TBC1D32: variants seen among roughly 807,000 people sequenced by gnomAD.
TBC1D32 encodes TBC1 domain family member 32.
TBC1D32 carries 151 observed loss-of-function variants against 170.3 expected under a neutral mutation model. The observed-to-expected ratio is 0.89, with a 90% CI of 0.78 to 1.01. The LOEUF is 1.01. Among genes scored for constraint, TBC1D32 ranks in the 50% least tolerant of loss-of-function variants. The pLI is 0.00. For missense variants in TBC1D32, 1,464 were observed against 1,457.1 expected (o/e 1.00, Z -0.08); for synonymous variants, 498 against 488.0 (o/e 1.02, Z -0.27).
chr6:121,270,734 A>G (rs565569229), intron 15 of TBC1D32, among the ~76,000 whole-genome samples: 2 of 152,298 alleles, frequency 1.3e-5, no homozygotes, highest in East Asian at 3.9e-4. Flanking sequence ...CAATAGAAAA[A>G]GAGGGAATCC....
intron 3 of TBC1D32, among the ~76,000 whole-genome samples, chr6:121,316,650 G>A (rs1436034140): frequency 2.6e-5 from 4 of 152,140 alleles, no homozygotes; most frequent in African/African-American, 9.7e-5. Flanking sequence ...CGACTTTTAA[G>A]TTATGCTTCC....
At chr6:121,289,110 C>G (rs1804381400) in intron 12 of TBC1D32, among the ~76,000 whole-genome samples, 1 of 152,170 alleles carries the variant, frequency 6.6e-6, no homozygotes, top group African/African-American at 2.4e-5. Flanking sequence ...AGGATGCCCT[C>G]TCTCACCACT....
chr6:121,332,539 T>C (rs1213313635), intron 1 of TBC1D32, among the ~76,000 whole-genome samples: 1 of 152,132 alleles, frequency 6.6e-6, no homozygotes, highest in East Asian at 1.9e-4. Context: ...TTTGAAAATC[T>C]AGATGAAATG....
intron 19 of TBC1D32, among the ~76,000 whole-genome samples, chr6:121,240,357 A>T (rs1346613041): frequency 4.0e-5 from 3 of 75,292 alleles, no homozygotes; most frequent in Non-Finnish European, 7.3e-5. Context: ...GTTTAGGACA[A>T]TTTTTTTTTT....
chr6:121,182,067 ATACAC>A, intron 22 of TBC1D32, among the ~76,000 whole-genome samples: 1 of 152,064 alleles, frequency 6.6e-6, no homozygotes, highest in Non-Finnish European at 1.5e-5. Flanking sequence ...CCAAAAATAT[ATACAC>A]TGTCTAGCAA....
At position 121,094,061 on chromosome 6, in the gene TBC1D32, T is replaced by C. The variant is rs113579468; in HGVS notation, c.3466-3020A>G. Among the ~76,000 whole-genome samples the C allele has an allele frequency of 9.6e-4, 146 of 152,170 alleles. 1 individual carries two copies. The highest frequency in any genetic ancestry group is 3.2e-3 in the African/African-American group (134 of 41,534). On this transcript the variant is annotated intron_variant, in intron 30 of 31. Coordinates refer to ENST00000398212, the MANE Select transcript of TBC1D32 (RefSeq NM_152730.6). ...GGTAGAAATTATATTGGCTTTACTA[T>C]ATTTGCAAGTACTTCAGACTTACAT...
Position 121,087,930 on chromosome 6 carries a change from G to A in TBC1D32, c.3654+2923C>T, listed in dbSNP as rs573063085. Among the ~76,000 whole-genome samples, 18 of 150,680 alleles carry A rather than the reference G, an allele frequency of 1.2e-4. No homozygotes were observed. The East Asian group carries it at 2.9e-3, about 24-fold the overall frequency. ...TATACAAGAATATTATTATGGCTGT[G>A]GTATGCAGTTACATGGGGAATTTTT... is the stretch of plus-strand genomic sequence containing the variant. On this transcript the variant is annotated intron_variant, in intron 31 of 31. Coordinates refer to ENST00000398212, the MANE Select transcript of TBC1D32 (RefSeq NM_152730.6).
chr6:121,121,275 A>G (rs150117525), intron 26 of TBC1D32, among the ~76,000 whole-genome samples: 2 of 152,184 alleles, frequency 1.3e-5, no homozygotes, highest in African/African-American at 4.8e-5. Context: ...AGAGGGAAGC[A>G]TCCATCTAGA....
At chr6:121,273,302 A>C (rs575061176) in intron 15 of TBC1D32, among the ~76,000 whole-genome samples, 1 of 151,786 alleles carries the variant, frequency 6.6e-6, no homozygotes, top group South Asian at 2.1e-4. Flanking sequence ...ATGGAATACT[A>C]TGCAGCCATA....
intron 12 of TBC1D32, among the ~76,000 whole-genome samples, chr6:121,288,300 A>G (rs1391491051): frequency 1.3e-5 from 2 of 152,220 alleles, no homozygotes; most frequent in African/African-American, 4.8e-5. Context: ...AATAGACGCA[A>G]TAAAAAATGA....
intron 30 of TBC1D32, among the ~76,000 whole-genome samples, chr6:121,100,544 C>A (rs1450709726): frequency 2.0e-5 from 3 of 151,944 alleles, no homozygotes; most frequent in African/African-American, 7.3e-5. Flanking sequence ...CCAATGAGAA[C>A]AAAGACACAA....
chr6:121,090,631 C>CCACTGTATGAAATA (rs1776707409), intron 31 of TBC1D32, among the ~76,000 whole-genome samples: 1 of 152,030 alleles, frequency 6.6e-6, no homozygotes, highest in Non-Finnish European at 1.5e-5. Context: ...GTGTTGGATC[C>CCACTGTATGAAATA]AGACAGCTTA....
At chr6:121,119,762 A>G (rs1219062538) in intron 26 of TBC1D32, among the ~76,000 whole-genome samples, 2 of 152,260 alleles carry the variant, frequency 1.3e-5, no homozygotes, top group Non-Finnish European at 2.9e-5. Context: ...AAACAGCCAA[A>G]CTAATTTGAT....
At chr6:121,130,020 A>T (rs188534936) in intron 25 of TBC1D32, 2 of 388,394 alleles carry the variant, frequency 5.1e-6, no homozygotes, top group East Asian at 1.4e-4. Flanking sequence ...AATCACAAAA[A>T]CATATCCCTT....
At chr6:121,117,389 G>C (rs1422590672) in intron 26 of TBC1D32, among the ~76,000 whole-genome samples, 3 of 152,084 alleles carry the variant, frequency 2.0e-5, no homozygotes, top group African/African-American at 7.2e-5. Flanking sequence ...CAGAAAATGG[G>C]TTAGGGGCAT....
intron 15 of TBC1D32, among the ~76,000 whole-genome samples, chr6:121,259,548 T>C (rs1301597455): frequency 6.6e-6 from 1 of 152,084 alleles, no homozygotes; most frequent in Admixed American, 6.6e-5. Flanking sequence ...GCTCCCTTCA[T>C]AAATACTAAA....
intron 21 of TBC1D32, among the ~76,000 whole-genome samples, chr6:121,205,567 G>C (rs1792141205): frequency 1.3e-5 from 2 of 152,256 alleles, no homozygotes; most frequent in African/African-American, 4.8e-5. Flanking sequence ...CAAATTAGAA[G>C]AATGAACAAC....
rs377088104 is a variant in TBC1D32 at position 121,115,153 on chromosome 6, C to T, written c.3053+19G>A. ...CAAATTCTAGAAATGCACAAGGGAG[C>T]TATTTCCCTATAATATACCTGACAG... is the stretch of plus-strand genomic sequence containing the variant. On this transcript the variant is annotated intron_variant, in intron 27 of 31. Transcript: ENST00000398212. 17 of 1,565,474 alleles carry T rather than the reference C, an allele frequency of 1.1e-5. No individual in the cohort carries two copies. Among genetic ancestry groups the T allele is most frequent in the Non-Finnish European group, 1.4e-5 (16 of 1,151,986 alleles).
At chr6:121,288,657 G>C (rs558789472) in intron 12 of TBC1D32, among the ~76,000 whole-genome samples, 1 of 152,226 alleles carries the variant, frequency 6.6e-6, no homozygotes, top group South Asian at 2.1e-4. Context: ...ATTTTATGAG[G>C]CCAGCATCAT....
Sources: allele counts gnomAD v4.1 joint callset (sites outside exome capture counted in the v4.1 genomes callset), GRCh38; gene constraint gnomAD v4.1.1; transcripts MANE v1.5; gene names NCBI Gene and HGNC (gene_info 2026-07-23, HGNC 2026-07-21).